Variants in PTGER3 observed in about 807,000 individuals in gnomAD.
PTGER3 encodes the protein prostaglandin E2 receptor EP3 subtype.
Under a neutral mutation model 34.7 loss-of-function variants are expected in PTGER3, and 22 were observed. The observed-to-expected ratio is 0.63, with a 90% confidence interval of 0.45 to 0.91. PTGER3 has a LOEUF of 0.91. Ranked by LOEUF, PTGER3 falls within the 40% of genes least tolerant of loss-of-function variation. The pLI is 0.00. For missense variants in PTGER3, 468 were observed against 519.4 expected (o/e 0.90, Z 0.96); for synonymous variants, 241 against 230.1 (o/e 1.05, Z -0.43).
chr1:71,016,659 C>T (rs550970635), intron 1 of PTGER3, among the ~76,000 whole-genome samples: 3 of 151,922 alleles, frequency 2.0e-5, no homozygotes, highest in South Asian at 4.2e-4. Flanking sequence ...AAAAATTAGC[C>T]GGGCATGATG....
downstream of PTGER3, among the ~76,000 whole-genome samples, chr1:70,949,882 G>A (rs1204493341): frequency 6.6e-6 from 1 of 152,108 alleles, no homozygotes; most frequent in Non-Finnish European, 1.5e-5. Flanking sequence ...GAGGCTTGCT[G>A]GGGATTAGAC....
At chr1:70,868,201 A>G (rs1011251910) in intron 4 of PTGER3, among the ~76,000 whole-genome samples, 4 of 151,866 alleles carry the variant, frequency 2.6e-5, no homozygotes, top group African/African-American at 7.3e-5. Context: ...GTATACTCCT[A>G]TGTCACCTTT....
At chr1:71,007,262 A>T (rs1260208969) in intron 2 of PTGER3, 2 of 985,522 alleles carry the variant, frequency 2.0e-6, no homozygotes, top group Non-Finnish European at 2.4e-6. Context: ...TTACAAACAG[A>T]TCAAAATAAT....
At chr1:70,870,320 A>G (rs1391441178) in intron 4 of PTGER3, among the ~76,000 whole-genome samples, 1 of 152,100 alleles carries the variant, frequency 6.6e-6, no homozygotes, top group Admixed American at 6.5e-5. Context: ...CCACAAAATC[A>G]TTCTTCCTTC....
intron 3 of PTGER3, among the ~76,000 whole-genome samples, chr1:70,973,121 CGTGTGTGTGT>C (rs71898506): frequency 1.1e-4 from 16 of 143,848 alleles, no homozygotes; most frequent in Non-Finnish European, 1.7e-4. Context: ...CCAGTGTGCA[CGTGTGTGTGT>C]GTGTGTGTGT....
chr1:71,032,705 A>G (rs547346741), intron 1 of PTGER3, among the ~76,000 whole-genome samples: 1 of 152,304 alleles, frequency 6.6e-6, no homozygotes, highest in Non-Finnish European at 1.5e-5. Flanking sequence ...CCTGCAATTT[A>G]TGTGAATCAA....
At chr1:70,983,061 G>A (rs868110392) in intron 2 of PTGER3, among the ~76,000 whole-genome samples, 1 of 151,966 alleles carries the variant, frequency 6.6e-6, no homozygotes, top group Non-Finnish European at 1.5e-5. Context: ...AAAAAAGGAG[G>A]CTCCCCAGAC....
At chr1:70,912,700 GT>G (rs1647087007) in intron 4 of PTGER3, among the ~76,000 whole-genome samples, 1 of 151,924 alleles carries the variant, frequency 6.6e-6, no homozygotes, top group African/African-American at 2.4e-5. Context: ...TCATGTTTTT[GT>G]TTTTATTTTC....
intron 2 of PTGER3, among the ~76,000 whole-genome samples, chr1:70,989,254 G>T (rs866402098): frequency 2.0e-5 from 3 of 152,122 alleles, no homozygotes; most frequent in South Asian, 2.1e-4. Context: ...TGGTTATAAG[G>T]ATAATGATAA....
chr1:70,856,674 A>G (rs774272400), intron 4 of PTGER3, among the ~76,000 whole-genome samples: 6 of 152,172 alleles, frequency 3.9e-5, no homozygotes, highest in Non-Finnish European at 8.8e-5. Context: ...GAATTTTTTA[A>G]AAGCTTACAT....
exon 4 of PTGER3, chr1:70,952,997 T>G: frequency 6.2e-7 from 1 of 1,612,608 alleles, no homozygotes; most frequent in Non-Finnish European, 8.5e-7. Context: ...CACGATAGGT[T>G]TGTACTTGCC....
At chr1:71,042,127 G>A (rs1410626260) in intron 1 of PTGER3, among the ~76,000 whole-genome samples, 2 of 152,000 alleles carry the variant, frequency 1.3e-5, no homozygotes, top group Non-Finnish European at 2.9e-5. Flanking sequence ...GATGGCTTAA[G>A]AAGTGTTTAA....
intron 1 of PTGER3, among the ~76,000 whole-genome samples, chr1:71,034,700 A>T (rs1161659828): frequency 6.6e-6 from 1 of 152,274 alleles, no homozygotes; most frequent in South Asian, 2.1e-4. Context: ...CTCAGTCAAT[A>T]TAAGGGAAAT....
intron 2 of PTGER3, among the ~76,000 whole-genome samples, chr1:70,984,501 G>A (rs1461740642): frequency 6.6e-6 from 1 of 152,034 alleles, no homozygotes; most frequent in African/African-American, 2.4e-5. Context: ...GATCACTTGA[G>A]GCCAGGAATT....
chr1:71,031,022 T>C (rs1185526386), intron 1 of PTGER3, among the ~76,000 whole-genome samples: 1 of 152,182 alleles, frequency 6.6e-6, no homozygotes, highest in East Asian at 1.9e-4. Flanking sequence ...ATCTTTTCTG[T>C]CTTATTATTT....
At chr1:70,859,423 A>G (rs112779571) in intron 4 of PTGER3, among the ~76,000 whole-genome samples, 1,734 of 152,164 alleles carry the variant, frequency 0.011, 37 homozygotes, top group African/African-American at 0.039. Flanking sequence ...CAATTTGTCA[A>G]TGGCTTCACC....
rs10577850 is a variant in PTGER3 at position 70,935,672 on chromosome 1, A to AAT, written c.*23+18089_*23+18090dup. On this transcript the variant is annotated intron_variant, in intron 4 of 4. Transcript: ENST00000370931. ...TGTTGGTACTAAGGATACAAATATA[A>AAT]ATATATATATATATATATATATGTT... Among the ~76,000 whole-genome samples the AAT allele has an allele frequency of 9.3e-3, 1,308 of 140,204 alleles. 19 individuals are homozygous for AAT. Among genetic ancestry groups the AAT allele is most frequent in the African/African-American group, 0.029 (1,073 of 36,424 alleles). 92.0% of individuals were successfully genotyped at this position (140,204 alleles called of 152,430 possible).
In PTGER3 at chr1:70,953,052, C is replaced by A. The variant is rs1650929005; in HGVS notation, c.1112G>T (p.Cys371Phe). 6.3e-7 allele frequency: 1 copy of A among 1,590,606 alleles called. No individual in the cohort carries two copies. ...CTGTATCTGAGAGTTCTGCAAACTG[C>A]AGATTAACTAACCACAGATCAAAAT... is the stretch of plus-strand genomic sequence containing the variant. Residue 371 changes from cysteine to phenylalanine, a missense_variant, in exon 4 of 4, where the codon TGC becomes TTC. Cys to Phe is a radical substitution (Grantham distance 205). Coordinates refer to the PTGER3 transcript ENST00000356595.
At chr1:70,956,685 T>G (rs1338037837) in intron 2 of PTGER3, among the ~76,000 whole-genome samples, 2 of 152,148 alleles carry the variant, frequency 1.3e-5, no homozygotes, top group Non-Finnish European at 2.9e-5. Flanking sequence ...CAGAGGCAGT[T>G]GACCCAAACT....
Sources: allele counts gnomAD v4.1 joint callset (sites outside exome capture counted in the v4.1 genomes callset), GRCh38; gene constraint gnomAD v4.1.1; transcripts MANE v1.5; gene names NCBI Gene and HGNC (gene_info 2026-07-23, HGNC 2026-07-21).